Variants in ZFP90 observed in about 807,000 individuals in gnomAD.
ZFP90 encodes the protein zinc finger protein 90 homolog.
Under a neutral mutation model 60.8 loss-of-function variants are expected in ZFP90, and 38 were observed. The ratio of observed to expected loss-of-function variants is 0.62; its 90% CI spans 0.48 to 0.82. ZFP90 has a LOEUF of 0.82. Among genes scored for constraint, ZFP90 ranks in the 40% least tolerant of loss-of-function variants. The pLI is 0.00. For missense variants in ZFP90, 711 were observed against 759.1 expected, an observed-to-expected ratio of 0.94 and a Z score of 0.74; for synonymous variants, 287 against 264.8, an observed-to-expected ratio of 1.08 and a Z score of -0.82.
At chr16:68,542,675 G>A (rs530332394) in intron 2 of ZFP90, among the ~76,000 whole-genome samples, 3 of 152,142 alleles carry the variant, frequency 2.0e-5, no homozygotes, top group Non-Finnish European at 4.4e-5. Flanking sequence ...AGAAGATGGC[G>A]GTGCATGTTC....
intron 2 of ZFP90, among the ~76,000 whole-genome samples, chr16:68,552,188 C>T (rs989852546): frequency 2.0e-5 from 3 of 152,184 alleles, no homozygotes; most frequent in Non-Finnish European, 4.4e-5. Context: ...GCATGAGATG[C>T]CCTGAAGTTG....
chr16:68,543,927 G>A (rs558941897), intron 2 of ZFP90, among the ~76,000 whole-genome samples: 5 of 140,348 alleles, frequency 3.6e-5, no homozygotes, highest in African/African-American at 5.4e-5. Flanking sequence ...ATGTTGTCTC[G>A]CTGCAACCTC....
Position 68,565,503 on chromosome 16 carries a change from A to C in ZFP90, c.*805A>C. The C allele has an allele frequency of 3.0e-6, 3 of 985,604 alleles. No individual in the cohort carries two copies. The South Asian group carries it at 1.4e-4, about 46-fold the overall frequency. The allele number at this position is 985,604 out of a possible 1,614,324, so 61.1% of individuals were successfully genotyped here. ...CTTGGAGGCTTACAAACCACAATTT[A>C]ACAGAAACTGTAGATGGTTGAACTA... On this transcript the variant is annotated 3_prime_UTR_variant, in exon 5 of 5. Transcript: ENST00000563169.
intron 2 of ZFP90, among the ~76,000 whole-genome samples, chr16:68,546,441 A>G (rs1313600350): frequency 6.6e-6 from 1 of 152,208 alleles, no homozygotes; most frequent in African/African-American, 2.4e-5. Context: ...AGCCCGTGCA[A>G]CTACCATTCT....
upstream of ZFP90, among the ~76,000 whole-genome samples, chr16:68,537,271 G>C (rs772699289): frequency 1.2e-4 from 18 of 151,934 alleles, no homozygotes; most frequent in African/African-American, 4.4e-4. Flanking sequence ...GAGTACAGGC[G>C]CACGCCACCA....
At chr16:68,539,630 G>C (rs943555778) in intron 1 of ZFP90, 128 bp from the exon 2 acceptor site, 6 of 719,786 alleles carry the variant, frequency 8.3e-6, no homozygotes, top group Non-Finnish European at 1.3e-5. Context: ...CGGCAGGCCC[G>C]GGCTGGTTCC....
chr16:68,554,051 C>T (rs957674033), intron 2 of ZFP90, among the ~76,000 whole-genome samples: 6 of 151,204 alleles, frequency 4.0e-5, no homozygotes, highest in Non-Finnish European at 8.8e-5. Flanking sequence ...GATGGTGACA[C>T]GAACTAGGGT....
chr16:68,556,516 G>A (rs1326028386), intron 2 of ZFP90, among the ~76,000 whole-genome samples: 1 of 152,146 alleles, frequency 6.6e-6, no homozygotes, highest in Non-Finnish European at 1.5e-5. Flanking sequence ...CTGCTGACAG[G>A]GACTGGTTCA....
chr16:68,567,047 A>G lies in ZFP90; in HGVS notation c.*2349A>G. ...CCCAACAGCCATGAACCATGCACTTATGGATACCCAGCCTTTTAGGGCTAC... is the reference window on the plus strand; with the variant it reads ...CCCAACAGCCATGAACCATGCACTTGTGGATACCCAGCCTTTTAGGGCTAC... On this transcript the variant is annotated 3_prime_UTR_variant, in exon 5 of 5. Transcript: ENST00000563169. 3 of 985,602 alleles carry G rather than the reference A, an allele frequency of 3.0e-6. No individual in the cohort carries two copies. Among genetic ancestry groups the G allele is most frequent in the Non-Finnish European group, 3.6e-6 (3 of 829,944 alleles). The allele number at this position is 985,602 out of a possible 1,614,324, so 61.1% of individuals were successfully genotyped here.
At chr16:68,557,185 G>T (rs560086074) in intron 2 of ZFP90, 1 of 453,640 alleles carries the variant, frequency 2.2e-6, no homozygotes, top group African/African-American at 2.0e-5. Context: ...ATGGGGTTTT[G>T]CTCTATTGCC....
chr16:68,574,410 TG>T (rs1211009465), intron 2 of ZFP90, among the ~76,000 whole-genome samples: 1 of 150,990 alleles, frequency 6.6e-6, no homozygotes, highest in Non-Finnish European at 1.5e-5. Context: ...AAACCTTGAG[TG>T]GGGAGTTATA....
Position 68,557,995 on chromosome 16 carries a change from C to T in ZFP90, c.34-3C>T. 1 of 1,613,474 alleles carries T rather than the reference C, an allele frequency of 6.2e-7. No individual in the cohort carries two copies. The highest frequency in any genetic ancestry group is 8.5e-7 in the Non-Finnish European group (1 of 1,179,834). ...CCAGTTGAACAGGAATGTGATTTTACAGGAATCAGTGACATTCAAAGATGT... is the reference window on the plus strand; with the variant it reads ...CCAGTTGAACAGGAATGTGATTTTATAGGAATCAGTGACATTCAAAGATGT... On this transcript the variant is annotated splice_region_variant and splice_polypyrimidine_tract_variant and intron_variant, in intron 2 of 4. Coordinates refer to ENST00000563169, the MANE Select transcript of ZFP90 (RefSeq NM_001305203.2).
Position 68,572,179 on chromosome 16 carries a change from C to CTTTTTTTT in ZFP90, c.224-3608_224-3601dup, listed in dbSNP as rs11434898. The stretch of plus-strand genomic sequence containing the variant: ...TGCCACCATGACCAGCTGACAAACA[C>CTTTTTTTT]TTTTTTTTTTTCCATTTGGAAAGGT... On this transcript the variant is annotated intron_variant, in intron 2 of 2. Coordinates refer to the ZFP90 transcript ENST00000573113. Among the ~76,000 whole-genome samples, 2 of 149,544 alleles carry CTTTTTTTT rather than the reference C, an allele frequency of 1.3e-5. 1 individual carries two copies. Among genetic ancestry groups the CTTTTTTTT allele is most frequent in the Non-Finnish European group, 3.0e-5 (2 of 67,264 alleles).
At position 68,564,661 on chromosome 16, in the gene ZFP90, C is replaced by G. The variant is rs773878552; in HGVS notation, c.1874C>G (p.Thr625Ser). 5.0e-6 allele frequency: 8 copies of G among 1,612,888 alleles called. No homozygotes were observed. Among genetic ancestry groups the G allele is most frequent in the Non-Finnish European group, 6.8e-6 (8 of 1,179,710 alleles). ...GKNFSRSSAL[T>S]KHQRIHTRNK... ...AACTTCAGCCGAAGTTCAGCTCTTA[C>G]TAAACACCAGAGAATTCATACTCGA... The change falls in exon 5 of 5, where the codon ACT (threonine) becomes AGT (serine). Residue 625 changes from threonine (T) to serine (S), a missense_variant. Physicochemically the swap from Thr to Ser is moderately conservative, Grantham distance 58. Around this residue, in one of 5 missense-constraint regions of ZFP90, gnomAD observed 295 missense variants for 274.0 expected, o/e 1.08. Transcript: ENST00000563169.
rs528638997 is a variant in ZFP90 at position 68,559,950 on chromosome 16, C to T, written c.256+1382C>T. On this transcript the variant is annotated intron_variant, in intron 4 of 4. Transcript: ENST00000563169. ...GTGTCTCTATCACAGCTCCCTGCAGCCTTGACCTCCTGGGCTCAAGCAATC... is the reference window on the plus strand; with the variant it reads ...GTGTCTCTATCACAGCTCCCTGCAGTCTTGACCTCCTGGGCTCAAGCAATC... Among the ~76,000 whole-genome samples the T allele has an allele frequency of 5.9e-4, 90 of 151,288 alleles. No individual in the cohort carries two copies. In the Middle Eastern group the frequency reaches 0.011, roughly 18 times the overall value.
Position 68,574,439 on chromosome 16 carries a change from C to T in ZFP90, c.224-1352C>T, listed in dbSNP as rs367726684. Reference sequence around the variant, plus strand: ...GAGTTATACTCCCAATAACAGTGGTCGAGGTAATTAGGCCTGAATTTCCCA... The same window carrying T: ...GAGTTATACTCCCAATAACAGTGGTTGAGGTAATTAGGCCTGAATTTCCCA... On this transcript the variant is annotated intron_variant, in intron 2 of 2. Coordinates refer to the ZFP90 transcript ENST00000573113. Among the ~76,000 whole-genome samples the T allele has an allele frequency of 8.0e-5, 12 of 149,698 alleles. 1 individual carries two copies. In the East Asian group the frequency reaches 1.4e-3, roughly 17 times the overall value.
intron 2 of ZFP90, among the ~76,000 whole-genome samples, chr16:68,541,559 A>G (rs1176672407): frequency 1.3e-5 from 2 of 151,590 alleles, no homozygotes; most frequent in Non-Finnish European, 2.9e-5. Context: ...GACCTCCCAA[A>G]GTTCTGGGAT....
rs1435591448 is a variant in ZFP90 at position 68,567,094 on chromosome 16, T to C, written c.*2396T>C. ...CTACGTGAAATGCATCCTTGTAACA[T>C]CATTGTATTCTTTCAATAAATAGCC... On this transcript the variant is annotated 3_prime_UTR_variant, in exon 5 of 5. Transcript: ENST00000563169. 1.0e-6 allele frequency: 1 copy of C among 985,442 alleles called. No homozygotes were observed. Among genetic ancestry groups the C allele is most frequent in the Non-Finnish European group, 1.2e-6 (1 of 829,924 alleles). The allele number at this position is 985,442 out of a possible 1,614,324, so 61.0% of individuals were successfully genotyped here. A position where few individuals can be genotyped will look rare whatever the true frequency, so the allele number is the denominator to read the frequency against.
At chr16:68,570,079 C>T (rs950125240), downstream of ZFP90, among the ~76,000 whole-genome samples, 2 of 151,774 alleles carry the variant, frequency 1.3e-5, no homozygotes, top group African/African-American at 4.8e-5. Context: ...TGCTATATCC[C>T]CCTCTCCCTA....
Sources: gnomAD v4.1 joint callset for allele counts (sites outside exome capture counted in the v4.1 genomes callset) on GRCh38, gnomAD v4.1.1 for gene constraint, gnomAD v4.1.1 regional missense constraint, MANE v1.5 for transcripts, NCBI Gene and HGNC (gene_info 2026-07-23, HGNC 2026-07-21) for gene names.